Variants in BCHE observed in about 807,000 individuals in gnomAD.
BCHE encodes the protein butyrylcholinesterase, also known as cholinesterase.
Under a neutral mutation model 51.3 loss-of-function variants are expected in BCHE, and 48 were observed. The ratio of observed to expected loss-of-function variants is 0.94; its 90% CI spans 0.74 to 1.19. The LOEUF is 1.19. BCHE is among the 50% of genes most tolerant of loss of function. BCHE has a pLI of 0.00. For missense variants in BCHE, 847 were observed against 708.2 expected, an observed-to-expected ratio of 1.20 and a Z score of -2.23; for synonymous variants, 251 against 238.0, an observed-to-expected ratio of 1.05 and a Z score of -0.50.
At chr3:165,791,753 G>C (rs1713175564) in intron 2 of BCHE, among the ~76,000 whole-genome samples, 1 of 152,070 alleles carries the variant, frequency 6.6e-6, no homozygotes, top group South Asian at 2.1e-4. Flanking sequence ...AGGAGTGCAA[G>C]ACCAGAGTGG....
At position 165,774,410 on chromosome 3, in the gene BCHE, C is replaced by T. The variant is rs148974402; in HGVS notation, c.1685-904G>A. On this transcript the variant is annotated intron_variant, in intron 3 of 3. Coordinates refer to ENST00000264381, the MANE Select transcript of BCHE (RefSeq NM_000055.4). ...GTGCAATGGCGCCATCTTGGCTCAC[C>T]GCAACCTCTGCCTCCTGGGTTCAAG... 2.9e-3 allele frequency among the ~76,000 whole-genome samples: 441 copies of T among 151,970 alleles called. 7 individuals are homozygous for T. In the East Asian group the frequency reaches 0.059, roughly 20 times the overall value.
chr3:165,778,455 A>G (rs900906642), intron 3 of BCHE: 13 of 218,394 alleles, frequency 6.0e-5, no homozygotes, highest in Non-Finnish European at 3.1e-5. Flanking sequence ...TAACCAGAAC[A>G]TATCAGTTTC....
chr3:165,811,156 C>A (rs1022829567), intron 2 of BCHE, among the ~76,000 whole-genome samples: 1 of 152,014 alleles, frequency 6.6e-6, no homozygotes, highest in Non-Finnish European at 1.5e-5. Flanking sequence ...ACCCAAGAAT[C>A]GAAACTATCT....
At chr3:165,813,957 T>A (rs1490689794) in intron 2 of BCHE, among the ~76,000 whole-genome samples, 1 of 152,008 alleles carries the variant, frequency 6.6e-6, no homozygotes, top group Non-Finnish European at 1.5e-5. Flanking sequence ...ACGCCAAAGT[T>A]GATGGAGAAA....
intron 2 of BCHE, among the ~76,000 whole-genome samples, chr3:165,825,404 C>A (rs566866390): frequency 8.0e-5 from 12 of 150,750 alleles, no homozygotes; most frequent in East Asian, 7.8e-4. Flanking sequence ...GAAAAAAAAA[C>A]CAGTCTTCAC....
intron 2 of BCHE, among the ~76,000 whole-genome samples, chr3:165,823,718 G>T (rs1038603491): frequency 5.3e-5 from 8 of 151,850 alleles, no homozygotes; most frequent in African/African-American, 1.9e-4. Flanking sequence ...TAATCCCAAT[G>T]GTTTGCAAAC....
chr3:165,820,256 G>A (rs1714464429), intron 2 of BCHE, among the ~76,000 whole-genome samples: 1 of 151,990 alleles, frequency 6.6e-6, no homozygotes, highest in Non-Finnish European at 1.5e-5. Flanking sequence ...GAAAAATATT[G>A]CTGCACTCTG....
rs370385001 is a variant in BCHE at position 165,773,741 on chromosome 3, ATAT to A, written c.1685-238_1685-236del. ...ATATATAATTTATATAACGTATAACATATAAAATGGAAAATGAGTTTATATATT... is the reference window on the plus strand; with the variant it reads ...ATATATAATTTATATAACGTATAACAAAAATGGAAAATGAGTTTATATATT... On this transcript the variant is annotated intron_variant, in intron 3 of 3. Coordinates refer to ENST00000264381, the MANE Select transcript of BCHE (RefSeq NM_000055.4). Among the ~76,000 whole-genome samples, 1,071 of 152,134 alleles carry A rather than the reference ATAT, an allele frequency of 7.0e-3. 8 individuals carry two copies. Among genetic ancestry groups the A allele is most frequent in the African/African-American group, 0.024 (993 of 41,544 alleles).
chr3:165,805,718 C>A (rs1713842824), intron 2 of BCHE, among the ~76,000 whole-genome samples: 1 of 152,044 alleles, frequency 6.6e-6, no homozygotes, highest in Non-Finnish European at 1.5e-5. Context: ...GTTAAACTTA[C>A]TTTCTTTGCC....
chr3:165,814,033 T>G (rs192571999), intron 2 of BCHE, among the ~76,000 whole-genome samples: 1 of 152,032 alleles, frequency 6.6e-6, no homozygotes, highest in Non-Finnish European at 1.5e-5. Flanking sequence ...TTTCTTTGAC[T>G]TCCACAATGA....
intron 2 of BCHE, among the ~76,000 whole-genome samples, chr3:165,818,438 A>T: frequency 6.6e-6 from 1 of 152,098 alleles, no homozygotes; most frequent in East Asian, 1.9e-4. Context: ...TATCATTTTT[A>T]AATCAAGACA....
chr3:165,776,018 C>T (rs917868966), intron 3 of BCHE, among the ~76,000 whole-genome samples: 1 of 151,860 alleles, frequency 6.6e-6, no homozygotes, highest in Admixed American at 6.6e-5. Context: ...TCAATTTTCA[C>T]ATTATTATCA....
intron 2 of BCHE, among the ~76,000 whole-genome samples, chr3:165,807,397 T>C (rs1713905629): frequency 1.3e-5 from 2 of 151,940 alleles, no homozygotes; most frequent in African/African-American, 4.8e-5. Flanking sequence ...TAGAATACAA[T>C]AATACTTTAA....
In BCHE at chr3:165,829,680, G is replaced by A. The variant is rs530517316; in HGVS notation, c.1354C>T (p.Arg452Ter). The A allele has an allele frequency of 2.5e-5, 41 of 1,613,760 alleles. No individual in the cohort carries two copies. The East Asian group carries it at 4.5e-4, about 18-fold the overall frequency. The change falls in exon 2 of 4, where the codon CGA becomes TGA. Residue 452 changes from arginine (R) to a stop codon, truncating the protein, a stop_gained. Transcript: ENST00000264381. LOFTEE classifies it high-confidence loss of function. ...TCTGGCCACGGAAGTTTGGAGGATC[G>A]GTGTTCAAAATAGTAGAAAAAGGCA... is the stretch of plus-strand genomic sequence containing the variant. ...NNAFFYYFEH[R>*]SSKLPWPEWM...
At chr3:165,817,426 G>T (rs1714352043) in intron 2 of BCHE, among the ~76,000 whole-genome samples, 1 of 152,030 alleles carries the variant, frequency 6.6e-6, no homozygotes, top group Admixed American at 6.6e-5. Flanking sequence ...ACTCAGGAAA[G>T]ATTTCAGAAA....
chr3:165,787,907 T>C (rs1713016714), intron 2 of BCHE, among the ~76,000 whole-genome samples: 1 of 152,032 alleles, frequency 6.6e-6, no homozygotes. Flanking sequence ...ATAAAGTTTT[T>C]CAGCCTTTTC....
At chr3:165,777,565 A>G (rs1712518856) in intron 3 of BCHE, among the ~76,000 whole-genome samples, 2 of 152,208 alleles carry the variant, frequency 1.3e-5, no homozygotes, top group Non-Finnish European at 2.9e-5. Context: ...ACACATATGT[A>G]TAGAGATATT....
Position 165,831,050 on chromosome 3 carries a change from G to A in BCHE, c.-8-9C>T, listed in dbSNP as rs939791364. The stretch of plus-strand genomic sequence containing the variant: ...GCTATGCATATTGATTTCTGAAAGA[G>A]AGGTAAGTATAATGTTTTATAAGCC... On this transcript the variant is annotated splice_polypyrimidine_tract_variant and intron_variant, in intron 1 of 3. Coordinates refer to ENST00000264381, the MANE Select transcript of BCHE (RefSeq NM_000055.4). 4.4e-6 allele frequency: 7 copies of A among 1,598,746 alleles called. No homozygotes were observed. Among genetic ancestry groups the A allele is most frequent in the Non-Finnish European group, 5.1e-6 (6 of 1,171,714 alleles).
intron 2 of BCHE, among the ~76,000 whole-genome samples, chr3:165,820,996 T>C (rs919825559): frequency 6.7e-6 from 1 of 150,226 alleles, no homozygotes; most frequent in African/African-American, 2.4e-5. Context: ...CACCTGTTAG[T>C]TGCAATTCAC....
Sources: allele counts gnomAD v4.1 joint callset (sites outside exome capture counted in the v4.1 genomes callset), GRCh38; gene constraint gnomAD v4.1.1; transcripts MANE v1.5; gene names NCBI Gene and HGNC (gene_info 2026-07-23, HGNC 2026-07-21).